Variants in IL2RA observed in about 807,000 individuals in gnomAD.
The protein encoded by IL2RA is interleukin 2 receptor subunit alpha, also known as interleukin-2 receptor subunit alpha.
A neutral mutation model predicts 37.8 loss-of-function variants in IL2RA; 24 were observed. The ratio of observed to expected loss-of-function variants is 0.63; its 90% CI spans 0.46 to 0.89. The LOEUF (loss-of-function observed/expected upper bound fraction) is 0.89, where lower values mean the gene tolerates loss of function less well. IL2RA is among the 40% of genes least tolerant of loss of function. The probability of loss-of-function intolerance (pLI) is 0.00; values close to 1 mark genes in which losing one functional copy is unlikely to be tolerated. For synonymous variants in IL2RA, 125 were observed against 114.6 expected, an observed-to-expected ratio of 1.09 and a Z score of -0.58; for missense variants, 319 against 348.6, an observed-to-expected ratio of 0.92 and a Z score of 0.68.
Position 6,044,033 on chromosome 10 carries a change from AAC to A in IL2RA, c.65-18010_65-18009del, listed in dbSNP as rs1564550022. Among the ~76,000 whole-genome samples the A allele has an allele frequency of 6.6e-6, 1 of 152,170 alleles. No individual in the cohort carries two copies. The highest frequency in any genetic ancestry group is 1.5e-5 in the Non-Finnish European group (1 of 68,028). ...AGAGAAAGAAACCCCCCTCTCCCCA[AAC>A]TCAGTGGCAAGTCCACAGCGGGGAA... is the stretch of plus-strand genomic sequence containing the variant. On this transcript the variant is annotated intron_variant, in intron 1 of 7. Transcript: ENST00000379959. This position sits in a 1 kb window ranked among gnomAD's most constrained non-coding sequence, Gnocchi z 4.5.
intron 1 of IL2RA, among the ~76,000 whole-genome samples, chr10:6,049,522 T>TG (rs1839914416): frequency 6.6e-6 from 1 of 152,218 alleles, no homozygotes; most frequent in Admixed American, 6.5e-5. Flanking sequence ...ATCATGCTCA[T>TG]GCCACACTTC....
intron 1 of IL2RA, among the ~76,000 whole-genome samples, chr10:6,040,413 T>C (rs1480139979): frequency 1.3e-5 from 2 of 152,228 alleles, no homozygotes; most frequent in African/African-American, 2.4e-5. Context: ...TGAAGCATAG[T>C]CAATTCTCTG....
At chr10:6,043,315 A>T (rs1369037772) in intron 1 of IL2RA, among the ~76,000 whole-genome samples, 6 of 152,256 alleles carry the variant, frequency 3.9e-5, no homozygotes, top group African/African-American at 1.4e-4. Flanking sequence ...AGTAGTGTAT[A>T]TTGCATCATG....
At position 6,046,100 on chromosome 10, in the gene IL2RA, T is replaced by A. The variant is rs535056609; in HGVS notation, c.64+15988A>T. ...AGCCAGGCTCACTCTGCCCTGCTCCTCACCCATCTCGCAGGGGAACCTCTT... is the reference window on the plus strand; with the variant it reads ...AGCCAGGCTCACTCTGCCCTGCTCCACACCCATCTCGCAGGGGAACCTCTT... On this transcript the variant is annotated intron_variant, in intron 1 of 7. Transcript: ENST00000379959. The surrounding 1 kb of genome is among the most constrained non-coding windows in gnomAD (Gnocchi z 4.8). 6.6e-6 allele frequency among the ~76,000 whole-genome samples: 1 copy of A among 152,316 alleles called. No homozygotes were observed.
intron 1 of IL2RA, among the ~76,000 whole-genome samples, chr10:6,027,137 C>T (rs1248961338): frequency 6.6e-6 from 1 of 152,152 alleles, no homozygotes; most frequent in Non-Finnish European, 1.5e-5. Context: ...GCCTGGCCAG[C>T]ATGGTGAAAA....
Position 6,047,116 on chromosome 10 carries a change from C to T in IL2RA, c.64+14972G>A, listed in dbSNP as rs905872244. On this transcript the variant is annotated intron_variant, in intron 1 of 7. Transcript: ENST00000379959. This position sits in a 1 kb window ranked among gnomAD's most constrained non-coding sequence, Gnocchi z 5.0. ...GGAGAACATGCATTGTCCAAGGACCCTCAAATCCCTGCATGCCCTGCGCAT... is the reference window on the plus strand; with the variant it reads ...GGAGAACATGCATTGTCCAAGGACCTTCAAATCCCTGCATGCCCTGCGCAT... Among the ~76,000 whole-genome samples the T allele has an allele frequency of 7.2e-5, 11 of 152,322 alleles. 1 individual carries two copies. The highest frequency in any genetic ancestry group is 6.5e-4 in the Admixed American group (10 of 15,302).
In IL2RA at chr10:6,046,925, A is replaced by G. The variant is rs987175650; in HGVS notation, c.64+15163T>C. On this transcript the variant is annotated intron_variant, in intron 1 of 7. Coordinates refer to ENST00000379959, the MANE Select transcript of IL2RA (RefSeq NM_000417.3). This position sits in a 1 kb window ranked among gnomAD's most constrained non-coding sequence, Gnocchi z 4.8. ...TTTCCTAAGGACATGGGAACTTAAGATGCAGGCAGGGATCCCATGTCCTAC... is the reference window on the plus strand; with the variant it reads ...TTTCCTAAGGACATGGGAACTTAAGGTGCAGGCAGGGATCCCATGTCCTAC... 1.3e-5 allele frequency among the ~76,000 whole-genome samples: 2 copies of G among 152,214 alleles called. No homozygotes were observed. The highest frequency in any genetic ancestry group is 4.8e-5 in the African/African-American group (2 of 41,454).
At chr10:6,051,513 A>ATT (rs1288442410) in intron 1 of IL2RA, among the ~76,000 whole-genome samples, 29 of 8,068 alleles carry the variant, frequency 3.6e-3, no homozygotes, top group Middle Eastern at 0.062. Flanking sequence ...ATATATATAT[A>ATT]TATATTTTTT....
chr10:6,031,728 A>G (rs1839597628), intron 1 of IL2RA, among the ~76,000 whole-genome samples: 1 of 151,938 alleles, frequency 6.6e-6, no homozygotes, highest in South Asian at 2.1e-4. Flanking sequence ...ATGGAAAAAT[A>G]TACTATCTTT....
At chr10:6,017,282 C>T (rs968090534) in intron 7 of IL2RA, 5 of 152,192 alleles carry the variant, frequency 3.3e-5, no homozygotes, top group African/African-American at 4.8e-5. Context: ...CTTCTGTGGA[C>T]GGGAGGGTGG....
At chr10:6,039,348 C>G (rs978790943) in intron 1 of IL2RA, 6 of 152,184 alleles carry the variant, frequency 3.9e-5, no homozygotes, top group African/African-American at 1.4e-4. Flanking sequence ...AATAACATAA[C>G]TTCAAAATAC....
At chr10:6,052,507 G>A (rs1277188668) in intron 1 of IL2RA, among the ~76,000 whole-genome samples, 1 of 152,148 alleles carries the variant, frequency 6.6e-6, no homozygotes, top group African/African-American at 2.4e-5. Flanking sequence ...CCAATAGCCG[G>A]AAGTCCTACC....
At position 6,047,035 on chromosome 10, in the gene IL2RA, A is replaced by G. The variant is rs893172907; in HGVS notation, c.64+15053T>C. Among the ~76,000 whole-genome samples, 5 of 152,228 alleles carry G rather than the reference A, an allele frequency of 3.3e-5. No homozygotes were observed. The highest frequency in any genetic ancestry group is 9.6e-5 in the African/African-American group (4 of 41,452). On this transcript the variant is annotated intron_variant, in intron 1 of 7. Transcript: ENST00000379959. This position sits in a 1 kb window ranked among gnomAD's most constrained non-coding sequence, Gnocchi z 5.0. ...GTGGGACAAGTAGTTATGAAGCCAC[A>G]GAATGTTAGGACTGAAAGGGACAAA...
chr10:6,061,219 A>T (rs978411942), intron 1 of IL2RA, among the ~76,000 whole-genome samples: 3 of 152,148 alleles, frequency 2.0e-5, no homozygotes, highest in Non-Finnish European at 2.9e-5. Flanking sequence ...CAAAAACCCC[A>T]TCTCTACAAA....
At chr10:6,043,420 T>G (rs1839803034) in intron 1 of IL2RA, among the ~76,000 whole-genome samples, 1 of 151,960 alleles carries the variant, frequency 6.6e-6, no homozygotes, top group South Asian at 2.1e-4. Context: ...CAGCATGTAT[T>G]TATTTGTTTT....
In IL2RA at chr10:6,019,947, GGA is replaced by G. The variant is rs774599486; in HGVS notation, c.584-8_584-7del. 6.2e-7 allele frequency: 1 copy of G among 1,613,158 alleles called. No homozygotes were observed. The highest frequency in any genetic ancestry group is 2.2e-5 in the East Asian group (1 of 44,880). On this transcript the variant is annotated splice_polypyrimidine_tract_variant and splice_region_variant and intron_variant, in intron 4 of 7. Transcript: ENST00000379959. ...TGCCTGAGGCTTCTCTTCACCTGGG[GGA>G]GAGAGTAAGTGATGCTGGTGGAGCT... is the stretch of plus-strand genomic sequence containing the variant.
chr10:6,020,812 T>A lies in IL2RA; in HGVS notation c.583+666A>T, dbSNP rs1365442529. The stretch of plus-strand genomic sequence containing the variant: ...CCTCCCAGAGTGCTGGGATTACAGG[T>A]GTGAGCCACTGTGCCCAGCCTGCAT... On this transcript the variant is annotated intron_variant, in intron 4 of 7. Transcript: ENST00000379959. This position sits in a 1 kb window ranked among gnomAD's most constrained non-coding sequence, Gnocchi z 5.6. 6.6e-6 allele frequency among the ~76,000 whole-genome samples: 1 copy of A among 152,102 alleles called. No individual in the cohort carries two copies. The highest frequency in any genetic ancestry group is 2.4e-5 in the African/African-American group (1 of 41,412).
intron 1 of IL2RA, among the ~76,000 whole-genome samples, chr10:6,045,445 A>G: frequency 6.6e-6 from 1 of 152,118 alleles, no homozygotes; most frequent in Non-Finnish European, 1.5e-5. Context: ...GGGACCTCAG[A>G]TGCTTCTGCA....
intron 1 of IL2RA, among the ~76,000 whole-genome samples, chr10:6,026,241 C>T (rs1339997142): frequency 6.6e-6 from 1 of 152,176 alleles, no homozygotes; most frequent in Non-Finnish European, 1.5e-5. Flanking sequence ...AAGCTCCTCT[C>T]CAAAGCACAA....
Sources: allele counts gnomAD v4.1 joint callset (sites outside exome capture counted in the v4.1 genomes callset), GRCh38; gene constraint gnomAD v4.1.1; non-coding constraint Gnocchi (gnomAD v3.1); transcripts MANE v1.5; gene names NCBI Gene and HGNC (gene_info 2026-07-23, HGNC 2026-07-21).